The following SLC4A8 variants were observed in gnomAD, a reference collection of about 807,000 sequenced individuals.
SLC4A8 encodes solute carrier family 4 member 8.
A neutral mutation model predicts 125.0 loss-of-function variants in SLC4A8; 40 were observed. The observed-to-expected ratio is 0.32, with a 90% CI of 0.25 to 0.42. SLC4A8 has a LOEUF of 0.42. Among genes scored for constraint, SLC4A8 ranks in the 10% least tolerant of loss-of-function variants. SLC4A8 has a pLI of 1.00. For synonymous variants in SLC4A8, 456 were observed against 476.0 expected (o/e 0.96, Z 0.55); for missense variants, 863 against 1,355.1 (o/e 0.64, Z 5.70).
At chr12:51,474,257 A>T in intron 14 of SLC4A8, 85 bp from the exon 15 acceptor site, 1 of 845,768 alleles carries the variant, frequency 1.2e-6, no homozygotes, top group Non-Finnish European at 1.9e-6. Context: ...GCAGCTCCTG[A>T]CAGCCTTTAA....
At chr12:51,470,166 GAGTT>G (rs1182355029) in intron 12 of SLC4A8, among the ~76,000 whole-genome samples, 1 of 152,140 alleles carries the variant, frequency 6.6e-6, no homozygotes, top group Non-Finnish European at 1.5e-5. Context: ...TGAAGAATAG[GAGTT>G]AGTTAAGGAA....
Position 51,511,586 on chromosome 12 carries a change from A to C in SLC4A8, c.*4148A>C, listed in dbSNP as rs964524882. 1 of 152,164 alleles carries C rather than the reference A, an allele frequency of 6.6e-6. No homozygotes were observed. The allele number at this position is 152,164 out of a possible 1,614,324, so 9.4% of individuals were successfully genotyped here. On this transcript the variant is annotated 3_prime_UTR_variant, in exon 25 of 25. Coordinates refer to ENST00000453097, the MANE Select transcript of SLC4A8 (RefSeq NM_001039960.3). ...TGTATTTTAGTAGAGACGAAGTTTCACTATGTTGGCCAGGCTGGTCTGAAA... is the reference window on the plus strand; with the variant it reads ...TGTATTTTAGTAGAGACGAAGTTTCCCTATGTTGGCCAGGCTGGTCTGAAA...
At chr12:51,452,451 C>T (rs1949999821) in intron 4 of SLC4A8, among the ~76,000 whole-genome samples, 192 bp downstream of exon 4, 1 of 152,172 alleles carries the variant, frequency 6.6e-6, no homozygotes, top group Non-Finnish European at 1.5e-5. Flanking sequence ...GTTACCTATG[C>T]CAGTTGACCT....
intron 21 of SLC4A8, among the ~76,000 whole-genome samples, chr12:51,495,470 C>CTTTTTTTTT (rs3028942): frequency 2.5e-3 from 194 of 76,262 alleles, no homozygotes; most frequent in Non-Finnish European, 3.1e-3. Context: ...TTTCTTTCTT[C>CTTTTTTTTT]TTTTTTTTTT....
At chr12:51,465,735 A>G (rs1486716759) in intron 11 of SLC4A8, among the ~76,000 whole-genome samples, 1 of 152,202 alleles carries the variant, frequency 6.6e-6, no homozygotes, top group Non-Finnish European at 1.5e-5. Context: ...GCCTCAAGCC[A>G]TATGACCTTC....
Position 51,508,237 on chromosome 12 carries a change from A to G in SLC4A8, c.*799A>G, listed in dbSNP as rs1217369461. ...GTCTCTTGGTTTTCATTGAGGATAG[A>G]GTAAGAGATTGAGTTTAGATTGCAA... On this transcript the variant is annotated 3_prime_UTR_variant, in exon 25 of 25. Transcript: ENST00000453097. 6.6e-6 allele frequency: 1 copy of G among 152,252 alleles called. No homozygotes were observed. The highest frequency in any genetic ancestry group is 1.5e-5 in the Non-Finnish European group (1 of 68,046). The allele number at this position is 152,252 out of a possible 1,614,324, so 9.4% of individuals were successfully genotyped here. A position where few individuals can be genotyped will look rare whatever the true frequency, so the allele number is the denominator to read the frequency against.
At chr12:51,490,029 A>C in intron 19 of SLC4A8, 78 bp downstream of exon 19, 1 of 1,376,388 alleles carries the variant, frequency 7.3e-7, no homozygotes, top group South Asian at 1.2e-5. Flanking sequence ...CTGGAAATAC[A>C]GTGGTGCCAA....
At chr12:51,418,911 T>C (rs1948734546) in intron 1 of SLC4A8, among the ~76,000 whole-genome samples, 1 of 152,134 alleles carries the variant, frequency 6.6e-6, no homozygotes, top group Non-Finnish European at 1.5e-5. Flanking sequence ...AATGAATGGG[T>C]GTCACTGACA....
chr12:51,461,982 A>C, intron 9 of SLC4A8: 1 of 162,502 alleles, frequency 6.2e-6, no homozygotes, highest in Non-Finnish European at 1.2e-5. Flanking sequence ...CAACGTGGGA[A>C]AGCTGATTAA....
At chr12:51,507,232 C>G (rs530537317) in intron 24 of SLC4A8, among the ~76,000 whole-genome samples, 194 bp from the exon 25 acceptor site, 2 of 152,328 alleles carry the variant, frequency 1.3e-5, no homozygotes, top group South Asian at 4.2e-4. Flanking sequence ...AATCTTGTTT[C>G]CTTCGGAGGA....
intron 16 of SLC4A8, among the ~76,000 whole-genome samples, chr12:51,482,720 C>T (rs1158143257): frequency 6.6e-6 from 1 of 152,144 alleles, no homozygotes; most frequent in Non-Finnish European, 1.5e-5. Flanking sequence ...TCTACACTTA[C>T]ATGGTTTGGG....
chr12:51,479,696 AAAAG>A (rs1224985488), intron 16 of SLC4A8, among the ~76,000 whole-genome samples: 19 of 147,974 alleles, frequency 1.3e-4, no homozygotes, highest in African/African-American at 3.0e-4. Context: ...AAAAAAAAAA[AAAAG>A]AAATGTGGAC....
intron 1 of SLC4A8, among the ~76,000 whole-genome samples, chr12:51,413,866 CT>C (rs1487115248): frequency 2.0e-5 from 3 of 152,148 alleles, no homozygotes; most frequent in Admixed American, 6.5e-5. Context: ...ATGCCTTCAA[CT>C]TTCTTCTTTT....
chr12:51,400,750 A>G lies in SLC4A8; in HGVS notation c.-112+9262A>G, dbSNP rs1185947847. 8.5e-3 allele frequency among the ~76,000 whole-genome samples: 15 copies of G among 1,762 alleles called. 4 individuals carry two copies. The highest frequency in any genetic ancestry group is 0.025 in the African/African-American group (11 of 432). 1.2% of individuals were successfully genotyped at this position (1,762 alleles called of 152,430 possible). The stretch of plus-strand genomic sequence containing the variant: ...TTTATATATATATATATATATATAT[A>G]TATATATATATATATATATATATAT... On this transcript the variant is annotated intron_variant, in intron 1 of 24. Transcript: ENST00000358657.
intron 1 of SLC4A8, among the ~76,000 whole-genome samples, chr12:51,418,562 G>A (rs886691245): frequency 3.3e-5 from 5 of 152,118 alleles, no homozygotes; most frequent in Non-Finnish European, 5.9e-5. Flanking sequence ...GGTAAATCTA[G>A]CAAATACTCT....
At chr12:51,474,714 CA>C in intron 15 of SLC4A8, 1 of 576,238 alleles carries the variant, frequency 1.7e-6, no homozygotes, top group Non-Finnish European at 3.0e-6. Context: ...CCATGCAGGA[CA>C]GGGGGCAGAT....
intron 5 of SLC4A8, among the ~76,000 whole-genome samples, chr12:51,454,295 T>TG (rs1950062234): frequency 6.6e-6 from 1 of 151,968 alleles, no homozygotes; most frequent in Admixed American, 6.6e-5. Flanking sequence ...AGTGTAGGGG[T>TG]GGGTTGCCCC....
intron 16 of SLC4A8, among the ~76,000 whole-genome samples, chr12:51,481,713 C>T (rs545996930): frequency 2.6e-5 from 4 of 151,998 alleles, no homozygotes; most frequent in South Asian, 2.1e-4. Flanking sequence ...GAAGTTGAGG[C>T]GGGCAGATCG....
chr12:51,392,097 T>A (rs1948131003), intron 1 of SLC4A8: 1 of 152,452 alleles, frequency 6.6e-6, no homozygotes, highest in Non-Finnish European at 1.5e-5. Context: ...TCGTATTCCG[T>A]GTGCCATGAA....
Sources: gnomAD v4.1 joint callset for allele counts (sites outside exome capture counted in the v4.1 genomes callset) on GRCh38, gnomAD v4.1.1 for gene constraint, MANE v1.5 for transcripts, NCBI Gene and HGNC (gene_info 2026-07-23, HGNC 2026-07-21) for gene names.